The following DIAPH2 variants were observed in gnomAD, a reference collection of about 807,000 sequenced individuals.
The protein encoded by DIAPH2 is diaphanous related formin 2, also known as protein diaphanous homolog 2.
In DIAPH2, 35 loss-of-function variants were observed where a neutral mutation model predicts 92.7. The observed-to-expected ratio is 0.38, with a 90% CI of 0.29 to 0.50. DIAPH2 has a LOEUF of 0.50. Ranked by LOEUF, DIAPH2 falls within the 20% of genes least tolerant of loss-of-function variation. The pLI, the probability that DIAPH2 is intolerant of heterozygous loss-of-function variation, is 0.94. For synonymous variants in DIAPH2, 301 were observed against 280.4 expected, an observed-to-expected ratio of 1.07 and a Z score of -0.73; for missense variants, 701 against 819.5, an observed-to-expected ratio of 0.86 and a Z score of 1.77.
intron 23 of DIAPH2, among the ~76,000 whole-genome samples, chrX:97,282,396 G>A (rs1336558970): frequency 9.0e-6 from 1 of 111,541 alleles, no homozygotes; most frequent in Non-Finnish European, 1.9e-5. Flanking sequence ...TGCAACCTCC[G>A]CCACCCAGGT....
chrX:96,897,102 A>G (rs1317230800), intron 5 of DIAPH2, among the ~76,000 whole-genome samples: 1 of 111,827 alleles, frequency 8.9e-6, no homozygotes, highest in Non-Finnish European at 1.9e-5. Context: ...TTCATCGTAC[A>G]TCATGGCGAC....
At chrX:97,588,996 A>AATATAAATATATATATATATAT (rs2071496772) in intron 26 of DIAPH2, among the ~76,000 whole-genome samples, 1 of 31,721 alleles carries the variant, frequency 3.2e-5, no homozygotes, top group African/African-American at 7.8e-5. Flanking sequence ...ATATTATAGA[A>AATATAAATATATATATATATAT]ATATATATAT....
At chrX:97,125,858 C>T (rs180963962) in intron 21 of DIAPH2, among the ~76,000 whole-genome samples, 16 of 111,962 alleles carry the variant, frequency 1.4e-4, no homozygotes, top group Non-Finnish European at 1.5e-4. Flanking sequence ...ATGAATACTC[C>T]TCTAGTTAAC....
At chrX:97,045,454 A>G (rs1026411272) in intron 17 of DIAPH2, among the ~76,000 whole-genome samples, 6 of 111,841 alleles carry the variant, frequency 5.4e-5, no homozygotes, top group African/African-American at 2.0e-4. Flanking sequence ...GATGGTATTC[A>G]CATAATACAT....
chrX:97,383,523 A>C (rs750329339), intron 24 of DIAPH2, among the ~76,000 whole-genome samples: 1 of 108,843 alleles, frequency 9.2e-6, no homozygotes, highest in Non-Finnish European at 1.9e-5. Flanking sequence ...CTCATGTGTC[A>C]AACTAGTTCA....
intron 25 of DIAPH2, among the ~76,000 whole-genome samples, chrX:97,414,952 A>T (rs1489925157): frequency 8.9e-6 from 1 of 111,916 alleles, no homozygotes; most frequent in Non-Finnish European, 1.9e-5. Flanking sequence ...TTCACAATCT[A>T]CCCATCTGAC....
At chrX:96,803,623 A>T (rs1348931046) in intron 4 of DIAPH2, among the ~76,000 whole-genome samples, 5 of 112,588 alleles carry the variant, frequency 4.4e-5, no homozygotes, top group Non-Finnish European at 9.4e-5. Flanking sequence ...TACTCTATTA[A>T]TAGCACTTTC....
chrX:97,370,394 C>T (rs1012573910), intron 24 of DIAPH2, among the ~76,000 whole-genome samples: 1 of 111,112 alleles, frequency 9.0e-6, no homozygotes, highest in Non-Finnish European at 1.9e-5. Flanking sequence ...ATTAAGGGCA[C>T]CAAGCAGGTA....
intron 20 of DIAPH2, among the ~76,000 whole-genome samples, chrX:97,103,555 T>C (rs778522707): frequency 2.1e-4 from 23 of 111,864 alleles, no homozygotes; most frequent in Non-Finnish European, 3.2e-4. Context: ...CACTTCTCTG[T>C]CTCCATCACC....
chrX:96,835,035 A>G (rs749160472), intron 4 of DIAPH2, among the ~76,000 whole-genome samples: 1 of 112,104 alleles, frequency 8.9e-6, no homozygotes, highest in African/African-American at 3.2e-5. Flanking sequence ...AGTGTGGAGA[A>G]TACAGAAAGA....
intron 25 of DIAPH2, among the ~76,000 whole-genome samples, chrX:97,390,849 A>C (rs769231813): frequency 8.9e-6 from 1 of 112,215 alleles, no homozygotes; most frequent in East Asian, 2.8e-4. Context: ...TAAATATCCA[A>C]ATAAGTTTTT....
At position 96,885,060 on chromosome X, in the gene DIAPH2, C is replaced by A. The variant is rs757353111; in HGVS notation, c.587+3342C>A. ...TGACCGTTGAGGGCCACATCTATCC[C>A]ACTGTGGATCGGGAGCATTTTAAGT... On this transcript the variant is annotated intron_variant, in intron 5 of 26. Transcript: ENST00000324765. The A allele has an allele frequency of 1.8e-5, 22 of 1,207,314 alleles. No homozygotes were observed. The South Asian group carries it at 3.7e-4, about 20-fold the overall frequency.
At chrX:96,727,968 C>T (rs1211115839) in intron 1 of DIAPH2, among the ~76,000 whole-genome samples, 1 of 103,928 alleles carries the variant, frequency 9.6e-6, no homozygotes, top group Non-Finnish European at 2.0e-5. Flanking sequence ...TGCTTGAATC[C>T]GGGAGGTGGA....
At chrX:97,420,666 A>G (rs1363798599) in intron 25 of DIAPH2, among the ~76,000 whole-genome samples, 1 of 111,501 alleles carries the variant, frequency 9.0e-6, no homozygotes. Context: ...TTTAGTGGAT[A>G]CCACTGTGCA....
rs368506003 is a variant in DIAPH2 at position 96,793,877 on chromosome X, G to A, written c.447+35619G>A. Among the ~76,000 whole-genome samples the A allele has an allele frequency of 7.1e-5, 8 of 112,011 alleles. No homozygotes were observed. In the South Asian group the frequency reaches 1.9e-3, roughly 26 times the overall value. ...TGCACAGTAAATAAGTGCCATGGGC[G>A]TTCAGATTAGAGAAAAACTATTGAG... On this transcript the variant is annotated intron_variant, in intron 4 of 26. Coordinates refer to ENST00000324765, the MANE Select transcript of DIAPH2 (RefSeq NM_006729.5).
intron 26 of DIAPH2, among the ~76,000 whole-genome samples, chrX:97,547,177 A>G (rs909204510): frequency 9.0e-6 from 1 of 111,466 alleles, no homozygotes; most frequent in African/African-American, 3.3e-5. Context: ...AGGCCCATTG[A>G]TGCCTCACCT....
intron 23 of DIAPH2, among the ~76,000 whole-genome samples, chrX:97,291,518 A>G (rs1161077066): frequency 1.8e-5 from 2 of 111,549 alleles, no homozygotes; most frequent in Non-Finnish European, 3.8e-5. Context: ...CTACTAATAC[A>G]ACAAGTAAAC....
chrX:96,998,293 A>T (rs1339172160), intron 17 of DIAPH2, among the ~76,000 whole-genome samples: 1 of 111,395 alleles, frequency 9.0e-6, no homozygotes, highest in Non-Finnish European at 1.9e-5. Flanking sequence ...CAAAATAAGG[A>T]GAAAAAATAC....
At chrX:97,032,651 C>T (rs1385707132) in intron 17 of DIAPH2, among the ~76,000 whole-genome samples, 1 of 110,564 alleles carries the variant, frequency 9.0e-6, no homozygotes, top group Admixed American at 9.7e-5. Flanking sequence ...TACTGCTATG[C>T]TCCGCTTAAA....
Sources: allele counts gnomAD v4.1 joint callset (sites outside exome capture counted in the v4.1 genomes callset), GRCh38; gene constraint gnomAD v4.1.1; transcripts MANE v1.5; gene names NCBI Gene and HGNC (gene_info 2026-07-23, HGNC 2026-07-21).